The following IL16 variants were observed in gnomAD, a reference collection of about 807,000 sequenced individuals.
The protein encoded by IL16 is pro-interleukin-16.
In IL16, 67 loss-of-function variants were observed where a neutral mutation model predicts 110.1. The ratio of observed to expected loss-of-function variants is 0.61; its 90% CI spans 0.50 to 0.75. The LOEUF is 0.75. Among genes scored for constraint, IL16 ranks in the 30% least tolerant of loss-of-function variants. The pLI is 0.00. For synonymous variants in IL16, 689 were observed against 662.9 expected (o/e 1.04, Z -0.61); for missense variants, 1,545 against 1,655.0 (o/e 0.93, Z 1.15).
At chr15:81,283,149 T>A (rs1013597646) in intron 9 of IL16, among the ~76,000 whole-genome samples, 1 of 152,018 alleles carries the variant, frequency 6.6e-6, no homozygotes, top group Admixed American at 6.6e-5. Flanking sequence ...CAGACCGAGG[T>A]GGGGCGGCCT....
chr15:81,228,553 A>G (rs1896867892), intron 2 of IL16, among the ~76,000 whole-genome samples: 1 of 151,938 alleles, frequency 6.6e-6, no homozygotes. Flanking sequence ...CAAACTCCTG[A>G]CCTCAAGTGA....
chr15:81,232,453 A>C (rs973559564), intron 2 of IL16, among the ~76,000 whole-genome samples: 7 of 152,128 alleles, frequency 4.6e-5, no homozygotes, highest in Non-Finnish European at 1.5e-5. Context: ...ATGTCTGTAC[A>C]TATGATGTTT....
chr15:81,279,787 C>T lies in IL16; in HGVS notation c.1081+13C>T. ...TCTCTGCAGAAAGGTAGGAGTGCTG[C>T]AGCTGTGTCCCGTGCCTGGGTCTCC... On this transcript the variant is annotated intron_variant, in intron 8 of 18. Coordinates refer to ENST00000683961, the MANE Select transcript of IL16 (RefSeq NM_172217.5). The T allele has an allele frequency of 6.2e-7, 1 of 1,610,408 alleles. No homozygotes were observed. The highest frequency in any genetic ancestry group is 8.5e-7 in the Non-Finnish European group (1 of 1,176,860).
At chr15:81,271,228 G>C (rs1205490785) in intron 5 of IL16, among the ~76,000 whole-genome samples, 3 of 151,244 alleles carry the variant, frequency 2.0e-5, no homozygotes, top group Non-Finnish European at 4.4e-5. Flanking sequence ...ACCAGCCTGG[G>C]TAACATAGTA....
At chr15:81,221,284 C>A (rs569401693) in intron 1 of IL16, among the ~76,000 whole-genome samples, 1 of 152,120 alleles carries the variant, frequency 6.6e-6, no homozygotes, top group Non-Finnish European at 1.5e-5. Flanking sequence ...GCTTCCCCCC[C>A]GGAATCCTCT....
chr15:81,306,632 T>A, intron 18 of IL16, 87 bp downstream of exon 18: 1 of 1,529,704 alleles, frequency 6.5e-7, no homozygotes, highest in South Asian at 1.1e-5. Flanking sequence ...CTTTCTGGGC[T>A]ATGTTGTTTC....
Position 81,313,218 on chromosome 15 carries a change from G to A in IL16, c.*4420G>A. On this transcript the variant is annotated 3_prime_UTR_variant, in exon 19 of 19. Transcript: ENST00000683961. ...GTCCCAACAGCTGGAGCTCCTCGATGAGTCACGGGAGTTCTTTGCCAAGAA... is the reference window on the plus strand; with the variant it reads ...GTCCCAACAGCTGGAGCTCCTCGATAAGTCACGGGAGTTCTTTGCCAAGAA... 2 of 1,484,496 alleles carry A rather than the reference G, an allele frequency of 1.3e-6. No individual in the cohort carries two copies. Among genetic ancestry groups the A allele is most frequent in the Non-Finnish European group, 1.8e-6 (2 of 1,111,222 alleles). 92.0% of individuals were successfully genotyped at this position (1,484,496 alleles called of 1,614,324 possible). A position where few individuals can be genotyped will look rare whatever the true frequency, so the allele number is the denominator to read the frequency against.
At chr15:81,235,367 A>C (rs2142079644) in intron 2 of IL16, among the ~76,000 whole-genome samples, 1 of 152,304 alleles carries the variant, frequency 6.6e-6, no homozygotes, top group South Asian at 2.1e-4. Context: ...AAGAGGGAAC[A>C]GTTGTGTCAC....
chr15:81,289,803 A>G, intron 10 of IL16: 1 of 356,790 alleles, frequency 2.8e-6, no homozygotes, highest in Middle Eastern at 4.0e-4. Context: ...AGTCCAATTT[A>G]TCTATTTTTT....
At chr15:81,292,411 C>T (rs1430333966) in intron 11 of IL16, 145 bp from the exon 12 acceptor site, 7 of 1,206,434 alleles carry the variant, frequency 5.8e-6, no homozygotes, top group Non-Finnish European at 4.9e-6. Context: ...ACCAAGACTG[C>T]CATACTCCAG....
chr15:81,306,645 A>C, intron 18 of IL16, 100 bp downstream of exon 18: 3 of 1,413,778 alleles, frequency 2.1e-6, no homozygotes, highest in Non-Finnish European at 3.0e-6. Context: ...GTTGTTTCCC[A>C]CAACTCCATG....
intron 9 of IL16, 116 bp downstream of exon 9, chr15:81,282,872 A>G: frequency 1.1e-6 from 1 of 903,080 alleles, no homozygotes; most frequent in Admixed American, 1.8e-5. Flanking sequence ...CTTGTGGTGG[A>G]GATCAGCCGC....
At chr15:81,247,420 A>G (rs1329617728) in intron 2 of IL16, among the ~76,000 whole-genome samples, 1 of 152,106 alleles carries the variant, frequency 6.6e-6, no homozygotes, top group Non-Finnish European at 1.5e-5. Flanking sequence ...TCTTTGACCC[A>G]TGAGTTATTT....
chr15:81,313,865 T>C lies in IL16; in HGVS notation c.*5067T>C, dbSNP rs1900999798. The C allele has an allele frequency of 6.6e-6, 1 of 152,372 alleles. No individual in the cohort carries two copies. Among genetic ancestry groups the C allele is most frequent in the Non-Finnish European group, 1.5e-5 (1 of 68,178 alleles). 9.4% of individuals were successfully genotyped at this position (152,372 alleles called of 1,614,324 possible). On this transcript the variant is annotated 3_prime_UTR_variant, in exon 19 of 19. Transcript: ENST00000683961. ...AACATGTGATTCGCCTTCTCTCACA[T>C]GCATACAGTGGGGTTTTCCGGAGGT...
chr15:81,192,625 CA>C (rs889871172), upstream of IL16, among the ~76,000 whole-genome samples: 3 of 152,002 alleles, frequency 2.0e-5, no homozygotes, highest in African/African-American at 7.2e-5. Flanking sequence ...AACAAACAAA[CA>C]AAAAACAGTT....
At chr15:81,196,518 T>C (rs1243910077), upstream of IL16, among the ~76,000 whole-genome samples, 1 of 152,204 alleles carries the variant, frequency 6.6e-6, no homozygotes, top group East Asian at 1.9e-4. Flanking sequence ...TAGCTGGGAT[T>C]ATAGGCACGT....
At chr15:81,234,379 T>C (rs1897113948) in intron 2 of IL16, among the ~76,000 whole-genome samples, 1 of 152,166 alleles carries the variant, frequency 6.6e-6, no homozygotes, top group Admixed American at 6.5e-5. Flanking sequence ...TAATTTTTAC[T>C]ATTCCATTTC....
intron 2 of IL16, among the ~76,000 whole-genome samples, chr15:81,239,107 A>T (rs1897267604): frequency 6.7e-6 from 1 of 149,942 alleles, no homozygotes. Flanking sequence ...CTAGTTGTTG[A>T]TTTATTTGGG....
rs1358790800 is a variant in IL16, at chr15:81,270,834, G to T, written c.675+1186G>T. Among the ~76,000 whole-genome samples the T allele has an allele frequency of 2.0e-5, 3 of 152,186 alleles. No homozygotes were observed. In the East Asian group the frequency reaches 5.8e-4, roughly 29 times the overall value. Reference sequence around the variant, plus strand: ...ATGAGGCCGGGGGGTGGAAGAAGATGAATCATTTGATATAGAAATCCTCAT... The same window carrying T: ...ATGAGGCCGGGGGGTGGAAGAAGATTAATCATTTGATATAGAAATCCTCAT... On this transcript the variant is annotated intron_variant, in intron 5 of 18. Transcript: ENST00000683961.
Sources: allele counts gnomAD v4.1 joint callset (sites outside exome capture counted in the v4.1 genomes callset), GRCh38; gene constraint gnomAD v4.1.1; transcripts MANE v1.5; gene names NCBI Gene and HGNC (gene_info 2026-07-23, HGNC 2026-07-21).